TBC1D23: variants seen among roughly 807,000 people sequenced by gnomAD.
TBC1D23 encodes TBC1 domain family member 23.
TBC1D23 carries 55 observed loss-of-function variants against 91.4 expected under a neutral mutation model. That is an observed-to-expected ratio of 0.60 (90% CI 0.48 to 0.75). The LOEUF (loss-of-function observed/expected upper bound fraction) is 0.75. Ranked by LOEUF, TBC1D23 falls within the 30% of genes least tolerant of loss-of-function variation. The pLI, the probability that TBC1D23 is intolerant of heterozygous loss-of-function variation, is 0.00. For missense variants in TBC1D23, 725 were observed against 836.1 expected, an observed-to-expected ratio of 0.87 and a Z score of 1.64; for synonymous variants, 289 against 281.0, an observed-to-expected ratio of 1.03 and a Z score of -0.28.
intron 1 of TBC1D23, among the ~76,000 whole-genome samples, chr3:100,266,011 ATATAT>A (rs1175313585): frequency 1.3e-5 from 2 of 152,296 alleles, no homozygotes; most frequent in East Asian, 3.9e-4. Context: ...CAATAAAGAA[ATATAT>A]TAAATGTAAA....
Position 100,320,574 on chromosome 3 carries a change from TTAA to T in TBC1D23, c.1824-199_1824-197del, listed in dbSNP as rs539327327. 4.7e-3 allele frequency among the ~76,000 whole-genome samples: 711 copies of T among 152,324 alleles called. 2 individuals carry two copies. Among genetic ancestry groups the T allele is most frequent in the Non-Finnish European group, 6.4e-3 (433 of 68,014 alleles). ...TTTTCAATCATTGCAGGATTATCTGTTAATAAAATATTAATTTTGCATACAATT... is the reference window on the plus strand; with the variant it reads ...TTTTCAATCATTGCAGGATTATCTGTTAAAATATTAATTTTGCATACAATT... On this transcript the variant is annotated intron_variant, in intron 17 of 18. Transcript: ENST00000394144.
chr3:100,286,447 G>C (rs1314353414), intron 4 of TBC1D23, among the ~76,000 whole-genome samples: 1 of 151,820 alleles, frequency 6.6e-6, no homozygotes, highest in Middle Eastern at 3.2e-3. Flanking sequence ...AATAGCCCTG[G>C]AAGGAACCCC....
At chr3:100,264,414 A>T (rs1472935627) in intron 1 of TBC1D23, among the ~76,000 whole-genome samples, 1 of 152,088 alleles carries the variant, frequency 6.6e-6, no homozygotes, top group Admixed American at 6.5e-5. Context: ...GCCTAGCTCA[A>T]ACTCATCTTA....
At chr3:100,296,879 ATTAT>A (rs1257271913) in intron 8 of TBC1D23, among the ~76,000 whole-genome samples, 1 of 151,044 alleles carries the variant, frequency 6.6e-6, no homozygotes, top group Non-Finnish European at 1.5e-5. Flanking sequence ...AAAAAAAAAA[ATTAT>A]ATTACAGTAG....
intron 13 of TBC1D23, among the ~76,000 whole-genome samples, chr3:100,309,412 G>C (rs918370906): frequency 6.6e-6 from 1 of 151,834 alleles, no homozygotes; most frequent in African/African-American, 2.4e-5. Context: ...ATTTCTTATT[G>C]AATAAATAAG....
At position 100,295,075 on chromosome 3, in the gene TBC1D23, T is replaced by A. The variant is rs1559807771; in HGVS notation, c.601-12T>A. On this transcript the variant is annotated splice_polypyrimidine_tract_variant and intron_variant, in intron 5 of 18. Coordinates refer to ENST00000394144, the MANE Select transcript of TBC1D23 (RefSeq NM_001199198.3). ...AGTGGTTTATGTCTCTCATTTCATT[T>A]CCTGATTACAGCTTGGAAGTCTTTT... is the stretch of plus-strand genomic sequence containing the variant. 1.3e-6 allele frequency: 2 copies of A among 1,562,252 alleles called. No individual in the cohort carries two copies. The highest frequency in any genetic ancestry group is 1.7e-6 in the Non-Finnish European group (2 of 1,160,492).
intron 16 of TBC1D23, among the ~76,000 whole-genome samples, chr3:100,317,702 T>TCTCC (rs1306812483): frequency 6.6e-6 from 1 of 151,534 alleles, no homozygotes; most frequent in Non-Finnish European, 1.5e-5. Flanking sequence ...TTCTGTTAAC[T>TCTCC]CTCTGAATAT....
chr3:100,311,542 G>A (rs1705624660), intron 14 of TBC1D23, among the ~76,000 whole-genome samples: 2 of 152,126 alleles, frequency 1.3e-5, no homozygotes, highest in Admixed American at 6.5e-5. Flanking sequence ...TGGTGCTTCT[G>A]AGTTGGAGGA....
At chr3:100,319,754 C>A (rs1416302194) in intron 17 of TBC1D23, among the ~76,000 whole-genome samples, 2 of 151,990 alleles carry the variant, frequency 1.3e-5, no homozygotes, top group Admixed American at 6.6e-5. Flanking sequence ...TCAACTGTTA[C>A]CACCTTTTAA....
At chr3:100,279,873 G>A (rs34420977) in intron 2 of TBC1D23, 113 bp downstream of exon 2, 17 of 581,704 alleles carry the variant, frequency 2.9e-5, no homozygotes, top group African/African-American at 9.4e-5. Flanking sequence ...TGAGCATGCC[G>A]CATCTAGATT....
intron 18 of TBC1D23, among the ~76,000 whole-genome samples, chr3:100,322,936 A>G (rs550273605): frequency 6.6e-6 from 1 of 152,204 alleles, no homozygotes; most frequent in African/African-American, 2.4e-5. Flanking sequence ...TTTACCGAAG[A>G]TGCTTTTTTA....
chr3:100,284,613 T>A (rs550103369), intron 4 of TBC1D23, among the ~76,000 whole-genome samples: 1 of 152,010 alleles, frequency 6.6e-6, no homozygotes, highest in South Asian at 2.1e-4. Flanking sequence ...GGCTTTCCCA[T>A]GGTAAGTGGC....
At chr3:100,314,339 G>A (rs1222743956) in intron 15 of TBC1D23, among the ~76,000 whole-genome samples, 4 of 151,950 alleles carry the variant, frequency 2.6e-5, no homozygotes, top group Admixed American at 6.6e-5. Context: ...CTCGTGATCT[G>A]CCCACCTCGG....
chr3:100,267,891 T>C (rs754341692), intron 1 of TBC1D23, among the ~76,000 whole-genome samples: 1 of 152,156 alleles, frequency 6.6e-6, no homozygotes, highest in East Asian at 1.9e-4. Flanking sequence ...AAGTTATGCA[T>C]TGGGCATGAT....
At chr3:100,311,965 T>C (rs1705633064) in intron 15 of TBC1D23, 88 bp downstream of exon 15, 3 of 847,222 alleles carry the variant, frequency 3.5e-6, no homozygotes, top group Admixed American at 2.3e-5. Flanking sequence ...CTGTCTTGGC[T>C]CAAATTTCAT....
chr3:100,302,384 T>C (rs1391785790), intron 11 of TBC1D23, 147 bp downstream of exon 11: 3 of 565,498 alleles, frequency 5.3e-6, no homozygotes, highest in Admixed American at 7.9e-5. Flanking sequence ...TTTTCTCATA[T>C]GCTTATATGA....
Position 100,316,177 on chromosome 3 carries a change from A to G in TBC1D23, c.1677A>G (p.Glu559=), listed in dbSNP as rs775005228. Reference sequence around the variant, plus strand: ...TTTTCAGCATTGGGGATGAAGAAGAATACGACACAGGTGTAGTAATACACT... The same window carrying G: ...TTTTCAGCATTGGGGATGAAGAAGAGTACGACACAGGTGTAGTAATACACT... ...KPVFSIGDEE[E]YDTDEIDSSS... The change falls in exon 16 of 19, where the codon GAA becomes GAG. Residue 559 remains glutamate (E), a synonymous_variant. Coordinates refer to ENST00000394144, the MANE Select transcript of TBC1D23 (RefSeq NM_001199198.3). 3.7e-6 allele frequency: 6 copies of G among 1,613,064 alleles called. No homozygotes were observed. The Admixed American group carries it at 1.0e-4, about 27-fold the overall frequency.
chr3:100,302,141 T>C lies in TBC1D23; in HGVS notation c.1167T>C (p.Ser389=), dbSNP rs1705444958. The C allele has an allele frequency of 6.2e-7, 1 of 1,613,958 alleles. No homozygotes were observed. The highest frequency in any genetic ancestry group is 1.7e-5 in the Admixed American group (1 of 59,990). ...AAGCACAGAAGCAGTCCATTGAGTCTGGCTCCATAGCTGGTGGGGAGCACC... is the reference window on the plus strand; with the variant it reads ...AAGCACAGAAGCAGTCCATTGAGTCCGGCTCCATAGCTGGTGGGGAGCACC... ...LLEAQKQSIE[S]GSIAGGEHLC... The change falls in exon 11 of 19, where the codon TCT becomes TCC. Residue 389 remains serine (S), a synonymous_variant. Coordinates refer to ENST00000394144, the MANE Select transcript of TBC1D23 (RefSeq NM_001199198.3).
chr3:100,268,104 C>T (rs189434823), intron 1 of TBC1D23, among the ~76,000 whole-genome samples: 4 of 152,122 alleles, frequency 2.6e-5, no homozygotes, highest in Admixed American at 1.3e-4. Context: ...CGGGATGAAT[C>T]GAGGCTGCAG....
Sources: gnomAD v4.1 joint callset for allele counts (sites outside exome capture counted in the v4.1 genomes callset) on GRCh38, gnomAD v4.1.1 for gene constraint, MANE v1.5 for transcripts, NCBI Gene and HGNC (gene_info 2026-07-23, HGNC 2026-07-21) for gene names.